SEPTIN3: variants seen among roughly 807,000 people sequenced by gnomAD.
SEPTIN3 encodes septin 3, also known as neuronal-specific septin-3.
In SEPTIN3, 15 loss-of-function variants were observed where a neutral mutation model predicts 45.1. The observed-to-expected ratio is 0.33, with a 90% confidence interval of 0.22 to 0.51. The LOEUF is 0.51. SEPTIN3 is among the 20% of genes least tolerant of loss of function. The probability of loss-of-function intolerance (pLI) is 0.97; values close to 1 mark genes in which losing one functional copy is unlikely to be tolerated. For missense variants in SEPTIN3, 289 were observed against 457.2 expected (o/e 0.63, Z 3.35); for synonymous variants, 148 against 164.8 (o/e 0.90, Z 0.78).
chr22:41,990,745 CAAAA>C (rs71184855), intron 7 of SEPTIN3, among the ~76,000 whole-genome samples: 47 of 96,542 alleles, frequency 4.9e-4, no homozygotes, highest in African/African-American at 2.1e-3. Context: ...CACTCTATCT[CAAAA>C]AAAAAAAAAA....
intron 2 of SEPTIN3, among the ~76,000 whole-genome samples, chr22:41,974,095 G>A (rs931443280): frequency 6.3e-4 from 95 of 150,844 alleles, no homozygotes; most frequent in African/African-American, 2.3e-3. Flanking sequence ...CCAGGAGGTC[G>A]AGGCTGCAGT....
chr22:41,987,828 G>C, intron 6 of SEPTIN3, 69 bp downstream of exon 6: 1 of 1,533,764 alleles, frequency 6.5e-7, no homozygotes, highest in Non-Finnish European at 8.9e-7. Flanking sequence ...ATCTGGATTG[G>C]ATGATCCATA....
Position 41,976,981 on chromosome 22 carries a change from GC to G in SEPTIN3, c.1504+3988del. 6.8e-7 allele frequency: 1 copy of G among 1,470,890 alleles called. No individual in the cohort carries two copies. The highest frequency in any genetic ancestry group is 1.2e-5 in the South Asian group (1 of 81,118). 91.1% of individuals were successfully genotyped at this position (1,470,890 alleles called of 1,614,324 possible). A position where few individuals can be genotyped will look rare whatever the true frequency, so the allele number is the denominator to read the frequency against. ...GAGGCCCGTTTGCAGGGGCCGCTCG[GC>G]CCGGGGAAGCCCGCGCCCCGCTCAG... On this transcript the variant is annotated intron_variant, in intron 2 of 11. Transcript: ENST00000644076. The surrounding 1 kb of genome is among the most constrained non-coding windows in gnomAD (Gnocchi z 5.8).
intron 6 of SEPTIN3, among the ~76,000 whole-genome samples, chr22:41,989,126 CAAA>C (rs71184854): frequency 9.0e-5 from 8 of 88,558 alleles, no homozygotes; most frequent in Admixed American, 2.6e-4. Context: ...GACCCTGTCT[CAAA>C]AAAAAAAAAA....
Position 41,981,873 on chromosome 22 carries a change from C to T in SEPTIN3, c.1696+37C>T, listed in dbSNP as rs202085323. 33 of 1,578,850 alleles carry T rather than the reference C, an allele frequency of 2.1e-5. No homozygotes were observed. In the African/African-American group the frequency reaches 2.8e-4, roughly 14 times the overall value. On this transcript the variant is annotated intron_variant, in intron 3 of 11. Transcript: ENST00000644076. ...TGTGGGGCTGCTGCAGGCCTGGTGG[C>T]GGGCAGCACCAAGGATCCCATTTCT... is the stretch of plus-strand genomic sequence containing the variant.
chr22:41,994,377 G>A lies in SEPTIN3; in HGVS notation c.2411+36G>A. The A allele has an allele frequency of 6.2e-7, 1 of 1,609,898 alleles. No individual in the cohort carries two copies. The highest frequency in any genetic ancestry group is 8.5e-7 in the Non-Finnish European group (1 of 1,176,562). Reference sequence around the variant, plus strand: ...TCCCCTCCAGCTGTCCAGACAGCAGGTTGAATTATTTGGGGTCAGGGTCTA... The same window carrying A: ...TCCCCTCCAGCTGTCCAGACAGCAGATTGAATTATTTGGGGTCAGGGTCTA... On this transcript the variant is annotated intron_variant, in intron 10 of 11. Transcript: ENST00000644076. The surrounding 1 kb of genome is among the most constrained non-coding windows in gnomAD (Gnocchi z 4.2).
chr22:41,986,669 T>C (rs1441687905), intron 4 of SEPTIN3, among the ~76,000 whole-genome samples: 4 of 151,936 alleles, frequency 2.6e-5, no homozygotes, highest in Non-Finnish European at 1.5e-5. Context: ...CCGGCTAATT[T>C]TTTTTGTATT....
chr22:41,997,175 C>A lies in SEPTIN3; in HGVS notation c.*208C>A. 1 of 889,822 alleles carries A rather than the reference C, an allele frequency of 1.1e-6. No homozygotes were observed. The highest frequency in any genetic ancestry group is 1.7e-6 in the Non-Finnish European group (1 of 602,726). The allele number at this position is 889,822 out of a possible 1,614,324, so 55.1% of individuals were successfully genotyped here. On this transcript the variant is annotated 3_prime_UTR_variant, in exon 12 of 12. Transcript: ENST00000644076. ...CTCCTCCCAGTGGAGTGGGGTTCTG[C>A]CAGTACAGCCCTACTGCATCATCTG...
At chr22:41,986,189 T>C (rs1569438908) in intron 4 of SEPTIN3, 77 bp downstream of exon 4, 1 of 1,551,992 alleles carries the variant, frequency 6.4e-7, no homozygotes, top group Non-Finnish European at 8.8e-7. Context: ...ATGGGGCTTA[T>C]TGAAGAATAA....
intron 4 of SEPTIN3, 30 bp from the exon 5 acceptor site, chr22:41,987,176 C>A (rs774636398): frequency 5.6e-6 from 9 of 1,594,280 alleles, no homozygotes; most frequent in Non-Finnish European, 7.7e-6. Context: ...TAGGACTGAC[C>A]TCTCTGGTAC....
chr22:41,982,647 G>A (rs1249327078), intron 3 of SEPTIN3, among the ~76,000 whole-genome samples: 1 of 152,162 alleles, frequency 6.6e-6, no homozygotes, highest in African/African-American at 2.4e-5. Context: ...CCAGCACTTT[G>A]GGAGGCCGAG....
intron 3 of SEPTIN3, among the ~76,000 whole-genome samples, chr22:41,983,255 T>C (rs2078150624): frequency 6.6e-6 from 1 of 152,220 alleles, no homozygotes; most frequent in Admixed American, 6.5e-5. Flanking sequence ...CTAAACAGTG[T>C]GCTCAGTGAC....
At chr22:41,983,009 A>T (rs2078147005) in intron 3 of SEPTIN3, among the ~76,000 whole-genome samples, 1 of 152,028 alleles carries the variant, frequency 6.6e-6, no homozygotes. Context: ...TTCCTCCTTC[A>T]TCCCCCAATC....
At chr22:41,996,487 A>C (rs2078440288) in intron 11 of SEPTIN3, 1 of 995,692 alleles carries the variant, frequency 1.0e-6, no homozygotes, top group South Asian at 4.6e-5. Context: ...ACATAGACTC[A>C]AGACCCAAGA....
rs2078377607 is a variant in SEPTIN3, at chr22:41,994,144, G to A, written c.2360-146G>A. On this transcript the variant is annotated intron_variant, in intron 9 of 11. Transcript: ENST00000644076. This position sits in a 1 kb window ranked among gnomAD's most constrained non-coding sequence, Gnocchi z 4.2. ...AATCAAATCCAGTACACCCAAGTGA[G>A]CAAATCTCTGGAAGGGTTACAAAAA... is the stretch of plus-strand genomic sequence containing the variant. 1.5e-6 allele frequency: 1 copy of A among 670,610 alleles called. No homozygotes were observed. Among genetic ancestry groups the A allele is most frequent in the Non-Finnish European group, 2.6e-6 (1 of 383,460 alleles). 41.5% of individuals were successfully genotyped at this position (670,610 alleles called of 1,614,324 possible).
chr22:41,981,522 C>T, intron 2 of SEPTIN3, 123 bp from the exon 3 acceptor site: 1 of 749,330 alleles, frequency 1.3e-6, no homozygotes, highest in East Asian at 2.7e-5. Context: ...CTGGATGATA[C>T]TAAGATCCCT....
At chr22:41,985,440 A>T (rs1013235862) in intron 3 of SEPTIN3, among the ~76,000 whole-genome samples, 1 of 152,216 alleles carries the variant, frequency 6.6e-6, no homozygotes, top group African/African-American at 2.4e-5. Context: ...CTGGTCTTGC[A>T]TGTATTAGTT....
In SEPTIN3 at chr22:41,996,924, T is replaced by C; in HGVS notation, c.2528T>C (p.Val843Ala). Residue 843 changes from valine (V) to alanine (A), a missense_variant, in exon 12 of 12, where the codon GTC becomes GCC. Val to Ala is a moderately conservative substitution (Grantham distance 64). Transcript: ENST00000644076. ...CAGGGAGAAGGCCTCCTGGGCACTGTCCTTCCACCTGTGCCAGCCACCCCC... is the reference window on the plus strand; with the variant it reads ...CAGGGAGAAGGCCTCCTGGGCACTGCCCTTCCACCTGTGCCAGCCACCCCC... The part of the protein sequence containing the change: ...LPPGEGLLGT[V>A]LPPVPATPCP... 6.2e-7 allele frequency: 1 copy of C among 1,614,090 alleles called. No homozygotes were observed. Among genetic ancestry groups the C allele is most frequent in the Non-Finnish European group, 8.5e-7 (1 of 1,179,946 alleles).
At chr22:41,984,883 C>T (rs1234856062) in intron 3 of SEPTIN3, among the ~76,000 whole-genome samples, 1 of 115,566 alleles carries the variant, frequency 8.7e-6, no homozygotes, top group African/African-American at 3.3e-5. Flanking sequence ...GACGGAGTCT[C>T]GCTCTGTCGC....
Sources: gnomAD v4.1 joint callset for allele counts (sites outside exome capture counted in the v4.1 genomes callset) on GRCh38, gnomAD v4.1.1 for gene constraint, Gnocchi (gnomAD v3.1) non-coding constraint, MANE v1.5 for transcripts, NCBI Gene and HGNC (gene_info 2026-07-23, HGNC 2026-07-21) for gene names.